Variants in SDCCAG8 observed in about 807,000 individuals in gnomAD.
SDCCAG8 encodes the protein SHH signaling and ciliogenesis regulator SDCCAG8.
A neutral mutation model predicts 101.8 loss-of-function variants in SDCCAG8; 74 were observed. The ratio of observed to expected loss-of-function variants is 0.73; its 90% CI spans 0.60 to 0.88. The LOEUF (loss-of-function observed/expected upper bound fraction) is 0.88, where lower values mean the gene tolerates loss of function less well. Among genes scored for constraint, SDCCAG8 ranks in the 40% least tolerant of loss-of-function variants. SDCCAG8 has a pLI of 0.00. For missense variants in SDCCAG8, 787 were observed against 822.6 expected, an observed-to-expected ratio of 0.96 and a Z score of 0.53; for synonymous variants, 281 against 292.9, an observed-to-expected ratio of 0.96 and a Z score of 0.41.
intron 13 of SDCCAG8, among the ~76,000 whole-genome samples, chr1:243,380,930 T>C (rs2077905242): frequency 6.6e-6 from 1 of 152,166 alleles, no homozygotes; most frequent in African/African-American, 2.4e-5. Context: ...TGATATATAG[T>C]ACTTTTTTGT....
intron 6 of SDCCAG8, among the ~76,000 whole-genome samples, chr1:243,294,494 AGAGAGAAAGAGC>A (rs2070622757): frequency 7.5e-6 from 1 of 132,816 alleles, no homozygotes; most frequent in Non-Finnish European, 1.6e-5. Context: ...AGAGAGAGAG[AGAGAGAAAGAGC>A]GAGAGAGAGA....
chr1:243,383,060 G>C (rs1042917225), intron 13 of SDCCAG8, among the ~76,000 whole-genome samples: 1 of 152,112 alleles, frequency 6.6e-6, no homozygotes, highest in African/African-American at 2.4e-5. Context: ...TTTACATAAA[G>C]GTATTCATTG....
chr1:243,375,384 C>A (rs1348423264), intron 12 of SDCCAG8, among the ~76,000 whole-genome samples: 2 of 151,898 alleles, frequency 1.3e-5, no homozygotes, highest in Non-Finnish European at 2.9e-5. Context: ...CTTTGATGGG[C>A]AAATTTAATC....
chr1:243,310,323 A>G (rs1206091822), intron 8 of SDCCAG8, among the ~76,000 whole-genome samples: 1 of 152,210 alleles, frequency 6.6e-6, no homozygotes, highest in Non-Finnish European at 1.5e-5. Context: ...CATTTATTAT[A>G]TGTCAACGAC....
chr1:243,497,311 G>A (rs1335800487), intron 17 of SDCCAG8, among the ~76,000 whole-genome samples: 1 of 148,782 alleles, frequency 6.7e-6, no homozygotes, highest in African/African-American at 2.5e-5. Context: ...CGCTCACCAT[G>A]GGTCAGGCAC....
At chr1:243,436,692 G>T (rs759483861) in intron 16 of SDCCAG8, among the ~76,000 whole-genome samples, 1 of 152,164 alleles carries the variant, frequency 6.6e-6, no homozygotes. Context: ...ACTAATGCCT[G>T]TTTGGAGGCA....
chr1:243,347,955 A>G lies in SDCCAG8; in HGVS notation c.1473+3624A>G, dbSNP rs567684373. On this transcript the variant is annotated intron_variant, in intron 12 of 17. Coordinates refer to ENST00000366541, the MANE Select transcript of SDCCAG8 (RefSeq NM_006642.5). ...ATTAAAAAGAACTAAAATATAAAAC[A>G]TTTTCCTTTCTTCTTCAGTCTCTCT... Among the ~76,000 whole-genome samples the G allele has an allele frequency of 1.2e-3, 182 of 148,916 alleles. 1 individual carries two copies. The highest frequency in any genetic ancestry group is 4.2e-3 in the African/African-American group (171 of 40,288).
At chr1:243,402,701 C>G (rs969063456) in intron 13 of SDCCAG8, among the ~76,000 whole-genome samples, 9 of 152,158 alleles carry the variant, frequency 5.9e-5, no homozygotes, top group African/African-American at 2.2e-4. Flanking sequence ...CCAGCTTTCC[C>G]ACAATGCCCA....
intron 16 of SDCCAG8, among the ~76,000 whole-genome samples, chr1:243,465,758 G>C (rs1660013186): frequency 6.6e-6 from 1 of 152,190 alleles, no homozygotes; most frequent in Non-Finnish European, 1.5e-5. Context: ...TTCCCAAACA[G>C]CTGTTCATTT....
chr1:243,339,853 A>G (rs1313788328), intron 10 of SDCCAG8, among the ~76,000 whole-genome samples: 1 of 152,252 alleles, frequency 6.6e-6, no homozygotes, highest in Non-Finnish European at 1.5e-5. Context: ...TTCAAGCATC[A>G]TTATTTAAAA....
At chr1:243,408,802 G>A (rs2079965260) in intron 13 of SDCCAG8, among the ~76,000 whole-genome samples, 1 of 152,110 alleles carries the variant, frequency 6.6e-6, no homozygotes, top group Non-Finnish European at 1.5e-5. Flanking sequence ...ACTTTATATG[G>A]TTGGTATGAG....
chr1:243,356,842 C>A (rs992007173), intron 12 of SDCCAG8, among the ~76,000 whole-genome samples: 6 of 151,664 alleles, frequency 4.0e-5, no homozygotes, highest in African/African-American at 7.3e-5. Context: ...AAAAAAAAAT[C>A]AAAAAATTAC....
chr1:243,428,079 C>T (rs1043008381), intron 16 of SDCCAG8, among the ~76,000 whole-genome samples: 1 of 152,224 alleles, frequency 6.6e-6, no homozygotes, highest in Non-Finnish European at 1.5e-5. Context: ...GGGCATCTTT[C>T]CATTTATTTT....
chr1:243,305,221 C>T (rs2071969717), intron 7 of SDCCAG8: 1 of 162,222 alleles, frequency 6.2e-6, no homozygotes, highest in Admixed American at 6.3e-5. Context: ...AGGAGAATCA[C>T]TTGAACCTGG....
intron 5 of SDCCAG8, among the ~76,000 whole-genome samples, chr1:243,289,022 A>C (rs933824191): frequency 4.6e-5 from 7 of 151,346 alleles, no homozygotes; most frequent in Non-Finnish European, 7.4e-5. Flanking sequence ...AAAAAAAAAA[A>C]GATAATTGAA....
intron 8 of SDCCAG8, among the ~76,000 whole-genome samples, chr1:243,311,109 G>A (rs1380799320): frequency 6.6e-6 from 1 of 152,144 alleles, no homozygotes; most frequent in East Asian, 1.9e-4. Context: ...TGCATAATGG[G>A]GTATGTATAG....
At chr1:243,267,677 C>G (rs1341307476) in intron 1 of SDCCAG8, 55 of 771,444 alleles carry the variant, frequency 7.1e-5, no homozygotes, top group South Asian at 6.4e-4. Context: ...CTGAGTTACT[C>G]TCTGTACTAA....
At chr1:243,412,139 A>G (rs371730283) in intron 13 of SDCCAG8, among the ~76,000 whole-genome samples, 1 of 152,218 alleles carries the variant, frequency 6.6e-6, no homozygotes, top group African/African-American at 2.4e-5. Context: ...TATTTGACCC[A>G]GTGCCTAGCA....
At chr1:243,307,809 A>G (rs1032539088) in intron 7 of SDCCAG8, 180 bp from the exon 8 acceptor site, 1 of 1,456,772 alleles carries the variant, frequency 6.9e-7, no homozygotes, top group Non-Finnish European at 9.0e-7. Context: ...CAACGTGTCA[A>G]TTAGAATCAC....
Sources: allele counts gnomAD v4.1 joint callset (sites outside exome capture counted in the v4.1 genomes callset), GRCh38; gene constraint gnomAD v4.1.1; transcripts MANE v1.5; gene names NCBI Gene and HGNC (gene_info 2026-07-23, HGNC 2026-07-21).